SRFBP1: variants seen among roughly 807,000 people sequenced by gnomAD.
The protein encoded by SRFBP1 is serum response factor-binding protein 1.
Under a neutral mutation model 45.5 loss-of-function variants are expected in SRFBP1, and 47 were observed. The ratio of observed to expected loss-of-function variants is 1.03; its 90% CI spans 0.82 to 1.32. The LOEUF (loss-of-function observed/expected upper bound fraction) is 1.32. Ranked by LOEUF, SRFBP1 falls within the 40% of genes most tolerant of loss-of-function variation. The pLI is 0.00. For missense variants in SRFBP1, 621 were observed against 484.6 expected (o/e 1.28, Z -2.64); for synonymous variants, 203 against 166.3 (o/e 1.22, Z -1.70).
intron 2 of SRFBP1, among the ~76,000 whole-genome samples, chr5:122,043,375 C>A (rs866885607): frequency 6.6e-6 from 1 of 151,968 alleles, no homozygotes; most frequent in Non-Finnish European, 1.5e-5. Context: ...CTTGCTACAC[C>A]CGGCTAGGTT....
intron 4 of SRFBP1, among the ~76,000 whole-genome samples, chr5:122,015,718 T>C (rs1178232194): frequency 6.6e-6 from 1 of 152,252 alleles, no homozygotes; most frequent in Non-Finnish European, 1.5e-5. Flanking sequence ...TCTACAAGAA[T>C]TTTTTTATAA....
chr5:122,058,360 T>C (rs1045073728), intron 2 of SRFBP1, among the ~76,000 whole-genome samples: 3 of 152,202 alleles, frequency 2.0e-5, no homozygotes, highest in Non-Finnish European at 4.4e-5. Context: ...TTTTACATAA[T>C]TAGTTTTTTG....
intron 2 of SRFBP1, among the ~76,000 whole-genome samples, chr5:121,975,069 A>G (rs552701124): frequency 1.6e-4 from 24 of 152,100 alleles, no homozygotes; most frequent in African/African-American, 5.8e-4. Context: ...CAAACTATCA[A>G]AAGTAATAGT....
intron 7 of SRFBP1, among the ~76,000 whole-genome samples, 190 bp downstream of exon 7, chr5:122,022,597 G>A (rs1415060945): frequency 1.3e-5 from 2 of 152,134 alleles, no homozygotes; most frequent in South Asian, 2.1e-4. Flanking sequence ...TGTCCTGCCA[G>A]AGGGAAAGAT....
intron 4 of SRFBP1, among the ~76,000 whole-genome samples, chr5:122,015,401 C>T (rs965355267): frequency 6.6e-6 from 1 of 152,168 alleles, no homozygotes; most frequent in Admixed American, 6.5e-5. Context: ...GCCTACTACA[C>T]AGTTTTTTCT....
chr5:121,981,883 A>G (rs1010225578), intron 3 of SRFBP1, among the ~76,000 whole-genome samples: 2 of 151,942 alleles, frequency 1.3e-5, no homozygotes, highest in African/African-American at 4.8e-5. Flanking sequence ...ATTTTACTCA[A>G]TTAATTGTTC....
At chr5:122,020,025 C>G (rs1753270226) in intron 5 of SRFBP1, 63 bp from the exon 6 acceptor site, 2 of 1,165,978 alleles carry the variant, frequency 1.7e-6, no homozygotes, top group Non-Finnish European at 2.4e-6. Context: ...AAATACTGTC[C>G]TAAAACAGTC....
At chr5:122,058,793 A>C in intron 2 of SRFBP1, among the ~76,000 whole-genome samples, 1 of 152,112 alleles carries the variant, frequency 6.6e-6, no homozygotes, top group East Asian at 1.9e-4. Context: ...AAGCAGTGGT[A>C]AATTTGTGAT....
intron 7 of SRFBP1, among the ~76,000 whole-genome samples, chr5:122,022,996 T>C (rs1302215791): frequency 6.6e-6 from 1 of 152,212 alleles, no homozygotes; most frequent in Non-Finnish European, 1.5e-5. Flanking sequence ...GTTTTCCTCC[T>C]CCAGGTTCCA....
At chr5:122,044,064 G>A (rs966055504) in intron 2 of SRFBP1, among the ~76,000 whole-genome samples, 1 of 152,038 alleles carries the variant, frequency 6.6e-6, no homozygotes, top group African/African-American at 2.4e-5. Flanking sequence ...GTAGCCACGT[G>A]TTCTCATTGT....
At chr5:121,993,273 A>T (rs1192133009) in intron 3 of SRFBP1, among the ~76,000 whole-genome samples, 2 of 152,124 alleles carry the variant, frequency 1.3e-5, no homozygotes, top group Non-Finnish European at 2.9e-5. Context: ...ATGAAAAAAC[A>T]TATGTATATA....
intron 4 of SRFBP1, among the ~76,000 whole-genome samples, 163 bp downstream of exon 4, chr5:121,994,833 C>T (rs1752687523): frequency 6.6e-6 from 1 of 152,030 alleles, no homozygotes; most frequent in Non-Finnish European, 1.5e-5. Context: ...TTTATACTAA[C>T]ATATACATTT....
chr5:121,977,737 A>G (rs1348778795), intron 3 of SRFBP1, among the ~76,000 whole-genome samples: 1 of 152,058 alleles, frequency 6.6e-6, no homozygotes, highest in Non-Finnish European at 1.5e-5. Context: ...TGCTTTCTAT[A>G]ATAATAGGGT....
chr5:121,975,412 G>A (rs1752284336), intron 3 of SRFBP1, 25 bp downstream of exon 3: 4 of 1,611,874 alleles, frequency 2.5e-6, no homozygotes, highest in African/African-American at 1.3e-5. Context: ...GGGTGTGTAT[G>A]TGTGTATGTT....
At chr5:122,034,583 C>T (rs538983599) in intron 2 of SRFBP1, among the ~76,000 whole-genome samples, 1 of 151,904 alleles carries the variant, frequency 6.6e-6, no homozygotes, top group African/African-American at 2.4e-5. Flanking sequence ...TTTTTAGTTG[C>T]ATCATTTTTT....
rs1290055261 is a variant in SRFBP1 at position 122,033,829 on chromosome 5, T to G, written n.311+11422T>G. Among the ~76,000 whole-genome samples the G allele has an allele frequency of 7.4e-5, 11 of 147,698 alleles. No individual in the cohort carries two copies. The South Asian group carries it at 1.7e-3, about 23-fold the overall frequency. ...ATTCTTTTATTTTCAGTTTTTTTTTTTTTTTTTTTTTTGAGACAGAGTCTT... is the reference window on the plus strand; with the variant it reads ...ATTCTTTTATTTTCAGTTTTTTTTTGTTTTTTTTTTTTGAGACAGAGTCTT... On this transcript the variant is annotated intron_variant and non_coding_transcript_variant, in intron 2 of 2. Transcript: ENST00000504881.
chr5:121,974,880 C>T (rs1430736590), intron 2 of SRFBP1, among the ~76,000 whole-genome samples: 1 of 151,824 alleles, frequency 6.6e-6, no homozygotes, highest in Admixed American at 6.6e-5. Flanking sequence ...ATTTCCTATT[C>T]TTTCATAAAT....
chr5:122,070,477 T>G, intron 2 of SRFBP1: 1 of 1,395,536 alleles, frequency 7.2e-7, no homozygotes, highest in Non-Finnish European at 1.0e-6. Flanking sequence ...ATATGATATA[T>G]TTTCAAAGGT....
At chr5:122,076,338 C>T (rs1934575875), downstream of SRFBP1, among the ~76,000 whole-genome samples, 1 of 152,172 alleles carries the variant, frequency 6.6e-6, no homozygotes, top group African/African-American at 2.4e-5. Flanking sequence ...ACCCAGAGAA[C>T]CCCAATCCCA....
Sources: gnomAD v4.1 joint callset for allele counts (sites outside exome capture counted in the v4.1 genomes callset) on GRCh38, gnomAD v4.1.1 for gene constraint, MANE v1.5 for transcripts, NCBI Gene and HGNC (gene_info 2026-07-23, HGNC 2026-07-21) for gene names.